The following FREM3 variants were observed in gnomAD, a reference collection of about 807,000 sequenced individuals.
FREM3 encodes FRAS1-related extracellular matrix protein 3.
A neutral mutation model predicts 129.1 loss-of-function variants in FREM3; 105 were observed. The ratio of observed to expected loss-of-function variants is 0.81; its 90% CI spans 0.69 to 0.96. The LOEUF is 0.96. Among genes scored for constraint, FREM3 ranks in the 40% least tolerant of loss-of-function variants. The pLI, the probability that FREM3 is intolerant of heterozygous loss-of-function variation, is 0.00. For synonymous variants in FREM3, 1,014 were observed against 1,044.9 expected (o/e 0.97, Z 0.57); for missense variants, 2,593 against 2,666.3 (o/e 0.97, Z 0.61).
chr4:143,599,238 A>C (rs1738532381), intron 6 of FREM3, among the ~76,000 whole-genome samples: 1 of 152,206 alleles, frequency 6.6e-6, no homozygotes, highest in Admixed American at 6.5e-5. Flanking sequence ...TTAAGTAGCA[A>C]ACTCTGGGTC....
chr4:143,581,085 A>T (rs1227624347), intron 7 of FREM3, among the ~76,000 whole-genome samples: 2 of 152,134 alleles, frequency 1.3e-5, no homozygotes, highest in East Asian at 3.9e-4. Context: ...GAGCAAAGAG[A>T]TTCAGGACTA....
In FREM3 at chr4:143,662,752, T is replaced by A. The variant is rs575207934; in HGVS notation, c.5275+30361A>T. Among the ~76,000 whole-genome samples, 122 of 152,182 alleles carry A rather than the reference T, an allele frequency of 8.0e-4. 1 individual carries two copies. The highest frequency in any genetic ancestry group is 1.5e-3 in the Non-Finnish European group (99 of 67,962). ...TATAGGTCACTCAGGACTTGCTTTA[T>A]GAATCTGGGTGCTCCTGTATTGGGT... On this transcript the variant is annotated intron_variant, in intron 2 of 7. Coordinates refer to ENST00000329798, the MANE Select transcript of FREM3 (RefSeq NM_001168235.2).
chr4:143,691,786 G>C (rs1740475815), intron 2 of FREM3, among the ~76,000 whole-genome samples: 1 of 152,120 alleles, frequency 6.6e-6, no homozygotes, highest in Non-Finnish European at 1.5e-5. Context: ...ATTTTTGTTT[G>C]TAACGTTGTC....
chr4:143,675,691 A>G (rs934285040), intron 2 of FREM3, among the ~76,000 whole-genome samples: 2 of 152,218 alleles, frequency 1.3e-5, no homozygotes, highest in African/African-American at 4.8e-5. Flanking sequence ...AGATGCAATA[A>G]AAAATGATAA....
intron 2 of FREM3, among the ~76,000 whole-genome samples, chr4:143,678,367 A>G (rs1252311802): frequency 6.6e-6 from 1 of 152,110 alleles, no homozygotes; most frequent in African/African-American, 2.4e-5. Context: ...CAGGAAGGGG[A>G]ACATCACACA....
rs200718502 is a variant in FREM3 at position 143,698,484 on chromosome 4, A to G, written c.2192T>C (p.Ile731Thr). 862 of 1,537,772 alleles carry G rather than the reference A, an allele frequency of 5.6e-4. 2 individuals are homozygous for G. The highest frequency in any genetic ancestry group is 1.0e-3 in the South Asian group (87 of 84,044). ...GTTCTGGTCATCAGAGTCCTGGTCA[A>G]TGTATCGGAGGAAATTCTTCTGGAA... ...THFQKNFLRY[I>T]DQDSDDQNLW... Residue 731 changes from isoleucine (I) to threonine (T), a missense_variant, in exon 1 of 8, where the codon ATT becomes ACT. Physicochemically the swap from Ile to Thr is moderately conservative, Grantham distance 89. Coordinates refer to ENST00000329798, the MANE Select transcript of FREM3 (RefSeq NM_001168235.2).
In FREM3 at chr4:143,670,492, C is replaced by T. The variant is rs915881610; in HGVS notation, c.5275+22621G>A. On this transcript the variant is annotated intron_variant, in intron 2 of 7. Coordinates refer to ENST00000329798, the MANE Select transcript of FREM3 (RefSeq NM_001168235.2). ...GGTTGAAGTTATATTTTAAATTTAT[C>T]TGTGAATTGATTATTTAATAACCTG... Among the ~76,000 whole-genome samples the T allele has an allele frequency of 3.3e-5, 5 of 152,176 alleles. No individual in the cohort carries two copies. The South Asian group carries it at 1.0e-3, about 32-fold the overall frequency.
At chr4:143,597,994 A>C (rs1738511758) in intron 6 of FREM3, among the ~76,000 whole-genome samples, 1 of 152,184 alleles carries the variant, frequency 6.6e-6, no homozygotes, top group African/African-American at 2.4e-5. Context: ...CTATACACTT[A>C]TATGACAAAA....
intron 2 of FREM3, among the ~76,000 whole-genome samples, chr4:143,629,586 CA>C (rs1429675974): frequency 6.6e-6 from 1 of 152,132 alleles, no homozygotes; most frequent in African/African-American, 2.4e-5. Context: ...ATATTTTTTA[CA>C]GTTTGAAAAC....
At chr4:143,586,019 A>T in intron 6 of FREM3, 26 bp from the exon 7 acceptor site, 1 of 1,536,788 alleles carries the variant, frequency 6.5e-7, no homozygotes, top group African/African-American at 1.4e-5. Flanking sequence ...AAGATACACT[A>T]AGAATGCTTC....
At chr4:143,656,084 A>T (rs1739596303) in intron 2 of FREM3, among the ~76,000 whole-genome samples, 1 of 152,182 alleles carries the variant, frequency 6.6e-6, no homozygotes, top group African/African-American at 2.4e-5. Context: ...TTGCAGTAAA[A>T]ATTTCTTACC....
intron 2 of FREM3, among the ~76,000 whole-genome samples, chr4:143,666,107 T>C (rs1225672523): frequency 6.6e-6 from 1 of 152,100 alleles, no homozygotes; most frequent in Non-Finnish European, 1.5e-5. Context: ...TTAAATTATT[T>C]TGTCTTAGAT....
At position 143,699,560 on chromosome 4, in the gene FREM3, A is replaced by G. The variant is rs1396394029; in HGVS notation, c.1116T>C (p.Leu372=). The G allele has an allele frequency of 3.9e-6, 6 of 1,536,836 alleles. No individual in the cohort carries two copies. The highest frequency in any genetic ancestry group is 1.7e-4 in the Middle Eastern group (1 of 6,012). ...YVVSTDDPLG[L]PVSFFTQQEL... The stretch of plus-strand genomic sequence containing the variant: ...CCTGCTGGGTGAAGAAGGAGACTGG[A>G]AGCCCTAGAGGGTCGTCGGTGCTGA... Residue 372 remains leucine (L), a synonymous_variant, in exon 1 of 8, where the codon CTT becomes CTC. Coordinates refer to ENST00000329798, the MANE Select transcript of FREM3 (RefSeq NM_001168235.2). The surrounding 1 kb of genome is among the most constrained non-coding windows in gnomAD (Gnocchi z 4.2).
intron 5 of FREM3, among the ~76,000 whole-genome samples, chr4:143,615,219 G>A (rs1215497111): frequency 6.6e-6 from 1 of 152,226 alleles, no homozygotes; most frequent in Non-Finnish European, 1.5e-5. Flanking sequence ...AATGCCCCAT[G>A]ATATCCAAGG....
At chr4:143,680,763 C>T (rs900326911) in intron 2 of FREM3, among the ~76,000 whole-genome samples, 12 of 152,016 alleles carry the variant, frequency 7.9e-5, no homozygotes, top group Non-Finnish European at 1.0e-4. Context: ...TTTGAATTAT[C>T]ATATGTATTC....
intron 2 of FREM3, among the ~76,000 whole-genome samples, chr4:143,644,165 C>T (rs1327013430): frequency 6.9e-6 from 1 of 143,960 alleles, no homozygotes; most frequent in Non-Finnish European, 1.5e-5. Context: ...TTATTCCCCT[C>T]CTGCTCTGCA....
intron 2 of FREM3, among the ~76,000 whole-genome samples, chr4:143,632,716 T>C (rs1739161495): frequency 6.6e-6 from 1 of 152,154 alleles, no homozygotes; most frequent in African/African-American, 2.4e-5. Flanking sequence ...ATAGCAGGAA[T>C]GTCCAATCTT....
At chr4:143,672,924 C>G (rs1740024855) in intron 2 of FREM3, among the ~76,000 whole-genome samples, 1 of 152,206 alleles carries the variant, frequency 6.6e-6, no homozygotes, top group Non-Finnish European at 1.5e-5. Flanking sequence ...GGTTCTCGTG[C>G]TATGGTTTTC....
rs2149864754 is a variant in FREM3 at position 143,697,616 on chromosome 4, G to A, written c.3060C>T (p.Ala1020=). ...EDLINGRVAY[A]HTAGEVGFQK... is the part of the protein sequence containing the mutation. ...GAAAACCAACTTCACCTGCAGTGTGGGCATAGGCTACTCTCCCATTGATGA... is the reference window on the plus strand; with the variant it reads ...GAAAACCAACTTCACCTGCAGTGTGAGCATAGGCTACTCTCCCATTGATGA... The change falls in exon 1 of 8, where the codon GCC becomes GCT. Residue 1020 remains alanine (A), a synonymous_variant. Coordinates refer to ENST00000329798, the MANE Select transcript of FREM3 (RefSeq NM_001168235.2). 6.5e-7 allele frequency: 1 copy of A among 1,537,742 alleles called. No individual in the cohort carries two copies. The highest frequency in any genetic ancestry group is 2.4e-5 in the East Asian group (1 of 40,910).
Sources: gnomAD v4.1 joint callset for allele counts (sites outside exome capture counted in the v4.1 genomes callset) on GRCh38, gnomAD v4.1.1 for gene constraint, Gnocchi (gnomAD v3.1) non-coding constraint, MANE v1.5 for transcripts, NCBI Gene and HGNC (gene_info 2026-07-23, HGNC 2026-07-21) for gene names.